Variants in IQCM observed in about 807,000 individuals in gnomAD.
The protein encoded by IQCM is IQ domain-containing protein M.
IQCM carries 45 observed loss-of-function variants against 57.6 expected under a neutral mutation model. The ratio of observed to expected loss-of-function variants is 0.78; its 90% CI spans 0.62 to 1.00. The LOEUF is 1.00. Ranked by LOEUF, IQCM falls within the 50% of genes least tolerant of loss-of-function variation. The pLI is 0.00. For missense variants in IQCM, 468 were observed against 511.6 expected, an observed-to-expected ratio of 0.91 and a Z score of 0.82; for synonymous variants, 148 against 158.9, an observed-to-expected ratio of 0.93 and a Z score of 0.51.
intron 5 of IQCM, among the ~76,000 whole-genome samples, chr4:149,731,118 T>C: frequency 6.6e-6 from 1 of 152,220 alleles, no homozygotes; most frequent in Middle Eastern, 3.2e-3. Flanking sequence ...CCTCCCCTTA[T>C]TATGCTTCAA....
chr4:149,733,596 T>A (rs1766664119), intron 4 of IQCM, 88 bp from the exon 5 acceptor site: 4 of 633,020 alleles, frequency 6.3e-6, no homozygotes, highest in Non-Finnish European at 9.0e-6. Context: ...AATAAGTTCA[T>A]GAAATTGCAC....
At chr4:149,401,355 T>C (rs1333600723) in intron 13 of IQCM, among the ~76,000 whole-genome samples, 2 of 151,844 alleles carry the variant, frequency 1.3e-5, no homozygotes, top group Admixed American at 6.6e-5. Context: ...TATATTTTAG[T>C]GGCTGACAGA....
chr4:149,772,497 G>A (rs1375349985), intron 2 of IQCM, among the ~76,000 whole-genome samples: 1 of 151,910 alleles, frequency 6.6e-6, no homozygotes, highest in Admixed American at 6.6e-5. Flanking sequence ...CCTTCAAACT[G>A]CTGTGTTTTT....
chr4:149,518,790 G>A (rs906832171), intron 12 of IQCM, among the ~76,000 whole-genome samples: 1 of 152,152 alleles, frequency 6.6e-6, no homozygotes, highest in Non-Finnish European at 1.5e-5. Context: ...GGGAGAGAGA[G>A]AGAGAAATGT....
chr4:149,703,278 AG>A (rs1763902885), intron 5 of IQCM, among the ~76,000 whole-genome samples: 1 of 151,960 alleles, frequency 6.6e-6, no homozygotes, highest in African/African-American at 2.4e-5. Context: ...AATAGCCCAA[AG>A]GTACTAAAAC....
At chr4:149,637,225 T>G (rs922940839) in intron 7 of IQCM, among the ~76,000 whole-genome samples, 2 of 151,180 alleles carry the variant, frequency 1.3e-5, no homozygotes, top group Non-Finnish European at 2.9e-5. Flanking sequence ...AATTAAAAAT[T>G]AATTGTAATC....
At chr4:149,616,659 A>T (rs1370824062) in intron 8 of IQCM, among the ~76,000 whole-genome samples, 1 of 152,180 alleles carries the variant, frequency 6.6e-6, no homozygotes, top group Admixed American at 6.5e-5. Flanking sequence ...ATTTAAAATG[A>T]AAAAAGTCTA....
At position 149,364,943 on chromosome 4, in the gene IQCM, G is replaced by C. The variant is rs564452580; in HGVS notation, c.1391-12877C>G. 6.6e-5 allele frequency among the ~76,000 whole-genome samples: 10 copies of C among 151,850 alleles called. No homozygotes were observed. In the East Asian group the frequency reaches 1.5e-3, roughly 24 times the overall value. On this transcript the variant is annotated intron_variant, in intron 13 of 13. Transcript: ENST00000636793. ...TTTTGATTGGAAACTGGAGGCTAAA[G>C]ACAAAATGCACATGGATACAGATGG...
intron 12 of IQCM, among the ~76,000 whole-genome samples, chr4:149,439,676 A>G (rs1327348655): frequency 3.3e-5 from 5 of 152,090 alleles, no homozygotes; most frequent in Non-Finnish European, 5.9e-5. Context: ...AAATATTTTT[A>G]TCTCTCAGTC....
intron 5 of IQCM, among the ~76,000 whole-genome samples, chr4:149,697,124 T>C (rs978537293): frequency 2.6e-5 from 4 of 152,140 alleles, no homozygotes; most frequent in Non-Finnish European, 4.4e-5. Context: ...ATAAATCAAT[T>C]CTTTGCCATT....
intron 5 of IQCM, among the ~76,000 whole-genome samples, chr4:149,719,993 G>T (rs763404381): frequency 1.4e-4 from 21 of 152,122 alleles, no homozygotes; most frequent in Non-Finnish European, 2.9e-4. Flanking sequence ...GAAAGCTACT[G>T]CTCTCATTTC....
At chr4:149,456,194 G>A (rs1003424870) in intron 12 of IQCM, among the ~76,000 whole-genome samples, 65 of 151,880 alleles carry the variant, frequency 4.3e-4, no homozygotes, top group African/African-American at 1.5e-3. Flanking sequence ...ACAGAAGTAC[G>A]ATCAGACAAA....
intron 6 of IQCM, 130 bp downstream of exon 6, chr4:149,686,248 G>A (rs534567902): frequency 8.7e-5 from 36 of 413,188 alleles, no homozygotes; most frequent in South Asian, 3.9e-4. Flanking sequence ...GAACTCAAGC[G>A]GAACAATAAA....
At chr4:149,391,140 T>C (rs1242439681) in intron 13 of IQCM, among the ~76,000 whole-genome samples, 1 of 151,948 alleles carries the variant, frequency 6.6e-6, no homozygotes, top group Non-Finnish European at 1.5e-5. Context: ...ATTTTCCTTA[T>C]GAGAAGGGTT....
At chr4:149,803,336 A>G (rs1773782130) in intron 2 of IQCM, among the ~76,000 whole-genome samples, 1 of 152,026 alleles carries the variant, frequency 6.6e-6, no homozygotes, top group South Asian at 2.1e-4. Flanking sequence ...ATATTACAAC[A>G]TTTGTAATTG....
intron 7 of IQCM, among the ~76,000 whole-genome samples, chr4:149,673,929 A>G (rs2150185143): frequency 6.6e-6 from 1 of 152,262 alleles, no homozygotes; most frequent in East Asian, 1.9e-4. Context: ...GAGCCATGAA[A>G]GCAAACTCTA....
chr4:149,495,307 C>T (rs1458742104), intron 12 of IQCM, among the ~76,000 whole-genome samples: 3 of 152,010 alleles, frequency 2.0e-5, no homozygotes, highest in Non-Finnish European at 2.9e-5. Flanking sequence ...ATAGCTACCA[C>T]GTAAGATATA....
chr4:149,631,936 A>G (rs1013986021), intron 7 of IQCM, among the ~76,000 whole-genome samples: 15 of 152,260 alleles, frequency 9.9e-5, no homozygotes, highest in African/African-American at 3.6e-4. Context: ...GTGATTAAGC[A>G]CATTGGACAT....
chr4:149,443,181 C>G (rs1185579017), intron 12 of IQCM, among the ~76,000 whole-genome samples: 2 of 151,940 alleles, frequency 1.3e-5, no homozygotes, highest in Non-Finnish European at 2.9e-5. Flanking sequence ...ACTCATTGCA[C>G]CAGGCCTGCC....
Sources: gnomAD v4.1 joint callset for allele counts (sites outside exome capture counted in the v4.1 genomes callset) on GRCh38, gnomAD v4.1.1 for gene constraint, MANE v1.5 for transcripts, NCBI Gene and HGNC (gene_info 2026-07-23, HGNC 2026-07-21) for gene names.